EVA1C: variants seen among roughly 807,000 people sequenced by gnomAD.
EVA1C encodes eva-1 homolog C.
A neutral mutation model predicts 45.4 loss-of-function variants in EVA1C; 25 were observed. The observed-to-expected ratio is 0.55, with a 90% CI of 0.40 to 0.77. The LOEUF is 0.77. EVA1C is among the 30% of genes least tolerant of loss of function. The probability of loss-of-function intolerance (pLI) is 0.00; values close to 1 mark genes in which losing one functional copy is unlikely to be tolerated. For missense variants in EVA1C, 479 were observed against 554.8 expected, an observed-to-expected ratio of 0.86 and a Z score of 1.37; for synonymous variants, 190 against 221.2, an observed-to-expected ratio of 0.86 and a Z score of 1.25.
chr21:32,419,796 G>T (rs991410550), intron 1 of EVA1C, among the ~76,000 whole-genome samples: 5 of 151,762 alleles, frequency 3.3e-5, no homozygotes, highest in East Asian at 1.9e-4. Context: ...GACCAAGAAG[G>T]TGGGAGCGGG....
At chr21:32,448,050 T>C (rs9978365) in intron 1 of EVA1C, among the ~76,000 whole-genome samples, 90,691 of 151,998 alleles carry the variant, frequency 0.6, 30,044 homozygotes, top group African/African-American at 0.89. Context: ...TCTGTCCCCA[T>C]CCCCCATCCC....
At chr21:32,501,714 A>G (rs1005113258) in intron 6 of EVA1C, among the ~76,000 whole-genome samples, 1 of 152,150 alleles carries the variant, frequency 6.6e-6, no homozygotes, top group African/African-American at 2.4e-5. Context: ...CAGAAGTAGG[A>G]TAAACCTCCC....
chr21:32,513,044 A>G (rs1234965899), intron 7 of EVA1C, among the ~76,000 whole-genome samples: 1 of 150,902 alleles, frequency 6.6e-6, no homozygotes, highest in Non-Finnish European at 1.5e-5. Flanking sequence ...TATAATAAGC[A>G]TTATAATACT....
At chr21:32,492,190 C>T (rs2037181889) in intron 4 of EVA1C, among the ~76,000 whole-genome samples, 1 of 152,150 alleles carries the variant, frequency 6.6e-6, no homozygotes, top group African/African-American at 2.4e-5. Context: ...CACCAGGGAG[C>T]TGAGGTCAGT....
At chr21:32,451,834 T>C (rs1179781813) in intron 1 of EVA1C, among the ~76,000 whole-genome samples, 1 of 152,200 alleles carries the variant, frequency 6.6e-6, no homozygotes, top group Non-Finnish European at 1.5e-5. Flanking sequence ...AGGGCCCACC[T>C]TACTCCAGTA....
At chr21:32,458,939 T>C (rs2035893567) in intron 3 of EVA1C, among the ~76,000 whole-genome samples, 1 of 151,944 alleles carries the variant, frequency 6.6e-6, no homozygotes, top group African/African-American at 2.4e-5. Flanking sequence ...CGTACTATGG[T>C]CTCAGGTACA....
intron 4 of EVA1C, among the ~76,000 whole-genome samples, chr21:32,470,446 C>G (rs1038553113): frequency 6.6e-6 from 1 of 152,232 alleles, no homozygotes; most frequent in African/African-American, 2.4e-5. Flanking sequence ...CATTCCTGTC[C>G]TGACAGGCTC....
At position 32,488,731 on chromosome 21, in the gene EVA1C, A is replaced by G. The variant is rs569746388; in HGVS notation, c.635-6296A>G. On this transcript the variant is annotated intron_variant, in intron 4 of 7. Transcript: ENST00000300255. The stretch of plus-strand genomic sequence containing the variant: ...CTCCCTAGTAGCTGGGATTACAGGC[A>G]CACGCCACCACACCTGGCTAATATT... Among the ~76,000 whole-genome samples the G allele has an allele frequency of 7.9e-5, 12 of 152,168 alleles. No individual in the cohort carries two copies. The East Asian group carries it at 9.7e-4, about 12-fold the overall frequency.
intron 1 of EVA1C, among the ~76,000 whole-genome samples, chr21:32,442,665 A>AAG (rs2035219970): frequency 6.9e-6 from 1 of 144,188 alleles, no homozygotes; most frequent in African/African-American, 2.5e-5. Context: ...GCAGGTTATA[A>AAG]AAAAAAAAAA....
At position 32,510,043 on chromosome 21, in the gene EVA1C, C is replaced by CTT. The variant is rs58017017; in HGVS notation, c.950-4751_950-4750dup. ...AAAGTAATTGCGATTTCCGACATTC[C>CTT]TTTTTTTTTTTTTTTTTTTTTGAAA... On this transcript the variant is annotated intron_variant, in intron 7 of 7. Transcript: ENST00000300255. Among the ~76,000 whole-genome samples, 804 of 114,510 alleles carry CTT rather than the reference C, an allele frequency of 7.0e-3. 27 individuals are homozygous for CTT. Among genetic ancestry groups the CTT allele is most frequent in the African/African-American group, 0.028 (748 of 26,346 alleles). The allele number at this position is 114,510 out of a possible 152,430, so 75.1% of individuals were successfully genotyped here. A position where few individuals can be genotyped will look rare whatever the true frequency, so the allele number is the denominator to read the frequency against.
chr21:32,457,337 C>T (rs976477548), intron 2 of EVA1C, among the ~76,000 whole-genome samples: 3 of 152,208 alleles, frequency 2.0e-5, no homozygotes, highest in African/African-American at 2.4e-5. Context: ...AAGTAGCAGC[C>T]GCCGCACCAG....
At position 32,515,248 on chromosome 21, in the gene EVA1C, C is replaced by T; in HGVS notation, c.*58C>T. 1 of 1,511,000 alleles carries T rather than the reference C, an allele frequency of 6.6e-7. No homozygotes were observed. The allele number at this position is 1,511,000 out of a possible 1,614,324, so 93.6% of individuals were successfully genotyped here. ...CTGAAGAAGGAAGGATCCCAAATGCCCCTCCAGTTCTGGTTCACCTGTACC... is the reference window on the plus strand; with the variant it reads ...CTGAAGAAGGAAGGATCCCAAATGCTCCTCCAGTTCTGGTTCACCTGTACC... On this transcript the variant is annotated 3_prime_UTR_variant, in exon 8 of 8. Coordinates refer to ENST00000300255, the MANE Select transcript of EVA1C (RefSeq NM_058187.5).
At chr21:32,423,510 C>A (rs1011274000) in intron 1 of EVA1C, among the ~76,000 whole-genome samples, 1 of 152,028 alleles carries the variant, frequency 6.6e-6, no homozygotes, top group African/African-American at 2.4e-5. Context: ...GAGGGATGAG[C>A]AATCGATTTG....
intron 7 of EVA1C, among the ~76,000 whole-genome samples, chr21:32,505,537 A>G (rs759432383): frequency 2.6e-5 from 4 of 152,072 alleles, no homozygotes; most frequent in African/African-American, 4.8e-5. Context: ...TACCCCAACT[A>G]CCTTGTCCGT....
intron 7 of EVA1C, 83 bp from the exon 8 acceptor site, chr21:32,514,731 C>A: frequency 6.9e-7 from 1 of 1,439,340 alleles, no homozygotes; most frequent in Non-Finnish European, 9.2e-7. Flanking sequence ...CCTGCTTGGG[C>A]AGACATCTGT....
At chr21:32,511,244 G>A (rs2037938129) in intron 7 of EVA1C, among the ~76,000 whole-genome samples, 1 of 151,572 alleles carries the variant, frequency 6.6e-6, no homozygotes. Flanking sequence ...GGCAAACCCC[G>A]TCTCTACTAA....
intron 4 of EVA1C, among the ~76,000 whole-genome samples, chr21:32,487,541 G>A (rs866341530): frequency 3.3e-5 from 5 of 152,082 alleles, no homozygotes; most frequent in Non-Finnish European, 5.9e-5. Context: ...CCAACATGGT[G>A]AAAACCCATA....
intron 7 of EVA1C, among the ~76,000 whole-genome samples, chr21:32,506,540 T>A (rs2146453929): frequency 6.6e-6 from 1 of 151,966 alleles, no homozygotes; most frequent in Non-Finnish European, 1.5e-5. Context: ...CTAAATGAAA[T>A]CACCACAAGA....
intron 5 of EVA1C, among the ~76,000 whole-genome samples, chr21:32,499,865 G>A (rs533714321): frequency 1.3e-5 from 2 of 152,224 alleles, no homozygotes; most frequent in African/African-American, 4.8e-5. Flanking sequence ...GTCATCTGCC[G>A]GCTGCTTTGC....
Sources: gnomAD v4.1 joint callset for allele counts (sites outside exome capture counted in the v4.1 genomes callset) on GRCh38, gnomAD v4.1.1 for gene constraint, MANE v1.5 for transcripts, NCBI Gene and HGNC (gene_info 2026-07-23, HGNC 2026-07-21) for gene names.